The following DCAF8L2 variants were observed in gnomAD, a reference collection of about 807,000 sequenced individuals.
DCAF8L2 encodes DDB1- and CUL4-associated factor 8-like protein 2.
For synonymous variants in DCAF8L2, 200 were observed against 190.9 expected (o/e 1.05, Z -0.39); for missense variants, 430 against 490.7 (o/e 0.88, Z 1.17).
At chrX:27,582,294 A>G in the DCAF8L2 span, among the ~76,000 whole-genome samples, 1 of 112,085 alleles carries the variant, frequency 8.9e-6, no homozygotes, top group African/African-American at 3.2e-5. Context: ...TAATATTGGT[A>G]CAATACTATT....
At chrX:27,672,630 A>G (rs1929988907) in intron 2 of DCAF8L2, among the ~76,000 whole-genome samples, 1 of 112,194 alleles carries the variant, frequency 8.9e-6, no homozygotes, top group Non-Finnish European at 1.9e-5. Flanking sequence ...CTGCCAGTTA[A>G]TCACTTTGAG....
At chrX:27,632,553 G>A (rs1212737736) in intron 2 of DCAF8L2, 1 of 111,495 alleles carries the variant, frequency 9.0e-6, no homozygotes, top group East Asian at 2.8e-4. Context: ...GCATTTTAGG[G>A]TCTTTGCACT....
chrX:27,530,379 T>C, the DCAF8L2 span, among the ~76,000 whole-genome samples: 6 of 111,055 alleles, frequency 5.4e-5, no homozygotes, highest in Non-Finnish European at 1.9e-5. Context: ...TTCTGTTTTC[T>C]ATACAGGAGA....
chrX:27,692,371 A>G lies in DCAF8L2; in HGVS notation c.-143+14459A>G, dbSNP rs747180874. On this transcript the variant is annotated intron_variant, in intron 3 of 4. Coordinates refer to ENST00000451261, the MANE Select transcript of DCAF8L2 (RefSeq NM_001353450.2). ...CTCACTTACAGACATGCAGGATATGATAAGATTGGCAGTTGAAATGAATTT... is the reference window on the plus strand; with the variant it reads ...CTCACTTACAGACATGCAGGATATGGTAAGATTGGCAGTTGAAATGAATTT... Among the ~76,000 whole-genome samples, 8 of 112,111 alleles carry G rather than the reference A, an allele frequency of 7.1e-5. No individual in the cohort carries two copies. The Admixed American group carries it at 7.6e-4, about 11-fold the overall frequency.
the DCAF8L2 span, among the ~76,000 whole-genome samples, chrX:27,538,970 C>T: frequency 2.7e-5 from 3 of 112,230 alleles, no homozygotes. Context: ...CTAATGTGTA[C>T]CTGAAAGTAT....
In DCAF8L2 at chrX:27,747,504, C is replaced by G; in HGVS notation, c.609C>G (p.Arg203=). The G allele has an allele frequency of 8.5e-7, 1 of 1,178,370 alleles. No homozygotes were observed. Among genetic ancestry groups the G allele is most frequent in the Non-Finnish European group, 1.1e-6 (1 of 878,533 alleles). Residue 203 remains arginine (R), a synonymous_variant, in exon 5 of 5, where the codon CGC becomes CGG. Coordinates refer to ENST00000451261, the MANE Select transcript of DCAF8L2 (RefSeq NM_001353450.2). The stretch of plus-strand genomic sequence containing the variant: ...AGCGGCAGCTGGGTTCACGTCCCCG[C>G]TTTGTATATGAGGCCTGTGGGGCAA... The part of the protein sequence containing the change: ...LHQRQLGSRP[R]FVYEACGARA...
intron 2 of DCAF8L2, among the ~76,000 whole-genome samples, chrX:27,670,638 A>G (rs150277372): frequency 0.011 from 1,198 of 111,240 alleles, 16 homozygotes; most frequent in African/African-American, 0.037. Flanking sequence ...TTTGGCCCCA[A>G]CAAGTCTTAT....
At chrX:27,694,399 A>G in intron 3 of DCAF8L2, among the ~76,000 whole-genome samples, 1 of 111,851 alleles carries the variant, frequency 8.9e-6, no homozygotes, top group Non-Finnish European at 1.9e-5. Flanking sequence ...CTCTATTTTT[A>G]TCTTTATCTC....
the DCAF8L2 span, chrX:27,519,581 T>C: frequency 1.5e-6 from 1 of 675,921 alleles, no homozygotes; most frequent in South Asian, 2.2e-5. Context: ...CCACCACCAG[T>C]CATTCCTCCG....
the DCAF8L2 span, among the ~76,000 whole-genome samples, chrX:27,564,944 A>C: frequency 9.1e-6 from 1 of 109,765 alleles, no homozygotes; most frequent in Non-Finnish European, 1.9e-5. Flanking sequence ...ATCCCAAAGT[A>C]CTGGGATTAT....
At chrX:27,621,939 G>C (rs1927779548) in intron 1 of DCAF8L2, among the ~76,000 whole-genome samples, 1 of 110,365 alleles carries the variant, frequency 9.1e-6, no homozygotes, top group Non-Finnish European at 1.9e-5. Flanking sequence ...GCTGCAGTGA[G>C]CTGAGGTTGC....
At chrX:27,535,997 A>G in the DCAF8L2 span, among the ~76,000 whole-genome samples, 4 of 111,855 alleles carry the variant, frequency 3.6e-5, no homozygotes, top group Admixed American at 9.6e-5. Flanking sequence ...TCTGAGGGAC[A>G]TATATAATTA....
the DCAF8L2 span, among the ~76,000 whole-genome samples, chrX:27,536,315 A>G: frequency 1.8e-5 from 2 of 112,845 alleles, no homozygotes; most frequent in East Asian, 5.6e-4. Context: ...TATAAGGTGA[A>G]CTAGGTTTCT....
At chrX:27,643,067 T>G (rs936280147) in intron 2 of DCAF8L2, among the ~76,000 whole-genome samples, 2 of 112,198 alleles carry the variant, frequency 1.8e-5, no homozygotes, top group Non-Finnish European at 3.8e-5. Flanking sequence ...TTCAAGATAA[T>G]CATTTTATTC....
chrX:27,663,301 G>A (rs987011290), intron 2 of DCAF8L2, among the ~76,000 whole-genome samples: 2 of 112,075 alleles, frequency 1.8e-5, no homozygotes, highest in Non-Finnish European at 3.8e-5. Flanking sequence ...GGCAGATATT[G>A]TGAGAGTTTT....
At chrX:27,564,842 G>A in the DCAF8L2 span, among the ~76,000 whole-genome samples, 2 of 109,533 alleles carry the variant, frequency 1.8e-5, no homozygotes, top group Middle Eastern at 4.7e-3. Flanking sequence ...CCTGCAGAAA[G>A]GTGATTTTAA....
intron 4 of DCAF8L2, among the ~76,000 whole-genome samples, chrX:27,745,752 C>T (rs1180209334): frequency 8.9e-6 from 1 of 111,789 alleles, no homozygotes; most frequent in Non-Finnish European, 1.9e-5. Flanking sequence ...ATGCTGATAT[C>T]ACCTTAGATA....
At position 27,630,368 on chromosome X, in the gene DCAF8L2, T is replaced by A. The variant is rs187216052; in HGVS notation, c.-341-1511T>A. ...AATAATAATGAGTAAGGAGGTTGAA[T>A]CAACAATCAAAAGCCTCTGAAAAAG... On this transcript the variant is annotated intron_variant, in intron 1 of 4. Coordinates refer to ENST00000451261, the MANE Select transcript of DCAF8L2 (RefSeq NM_001353450.2). Among the ~76,000 whole-genome samples, 24 of 111,686 alleles carry A rather than the reference T, an allele frequency of 2.1e-4. No homozygotes were observed. In the East Asian group the frequency reaches 6.8e-3, roughly 31 times the overall value.
chrX:27,675,098 T>G (rs1348725132), intron 2 of DCAF8L2, among the ~76,000 whole-genome samples: 1 of 112,159 alleles, frequency 8.9e-6, no homozygotes, highest in Non-Finnish European at 1.9e-5. Context: ...TTTGGAATCT[T>G]GATCTGAAAA....
Sources: allele counts gnomAD v4.1 joint callset (sites outside exome capture counted in the v4.1 genomes callset), GRCh38; gene constraint gnomAD v4.1.1; transcripts MANE v1.5; gene names NCBI Gene and HGNC (gene_info 2026-07-23, HGNC 2026-07-21).